Variants in RPS6KC1 observed in about 807,000 individuals in gnomAD.
RPS6KC1 encodes inactive ribosomal protein S6 kinase delta-1.
Under a neutral mutation model 103.8 loss-of-function variants are expected in RPS6KC1, and 54 were observed. That is an observed-to-expected ratio of 0.52 (90% CI 0.42 to 0.65). The LOEUF (loss-of-function observed/expected upper bound fraction) is 0.65, where lower values mean the gene tolerates loss of function less well. Ranked by LOEUF, RPS6KC1 falls within the 30% of genes least tolerant of loss-of-function variation. The pLI is 0.00. For synonymous variants in RPS6KC1, 439 were observed against 438.7 expected (o/e 1.00, Z -0.01); for missense variants, 1,151 against 1,253.8 (o/e 0.92, Z 1.24).
the RPS6KC1 span, among the ~76,000 whole-genome samples, chr1:213,809,348 G>A: frequency 2.0e-4 from 31 of 152,168 alleles, no homozygotes; most frequent in East Asian, 5.6e-3. Flanking sequence ...TAACATCGAA[G>A]ATCACTGATT....
chr1:213,204,223 A>C (rs960888386), intron 8 of RPS6KC1, among the ~76,000 whole-genome samples: 3 of 152,172 alleles, frequency 2.0e-5, no homozygotes, highest in Admixed American at 6.5e-5. Context: ...CATTCAGTAA[A>C]TATGTGTTGA....
At chr1:213,186,726 T>C (rs994339408) in intron 8 of RPS6KC1, among the ~76,000 whole-genome samples, 20 of 152,216 alleles carry the variant, frequency 1.3e-4, no homozygotes, top group African/African-American at 4.6e-4. Context: ...TTTGAGATAA[T>C]TTTTAATATC....
At chr1:213,823,973 G>C in the RPS6KC1 span, among the ~76,000 whole-genome samples, 1 of 152,254 alleles carries the variant, frequency 6.6e-6, no homozygotes, top group African/African-American at 2.4e-5. Context: ...GCCAGTAAGA[G>C]AACAGGGCAA....
intron 1 of RPS6KC1, among the ~76,000 whole-genome samples, chr1:213,068,755 T>C (rs1032352679): frequency 2.0e-5 from 3 of 151,858 alleles, no homozygotes; most frequent in South Asian, 2.1e-4. Flanking sequence ...TTCTCACTTA[T>C]AATCCTAGCA....
chr1:213,063,321 A>G (rs144917706), intron 1 of RPS6KC1, among the ~76,000 whole-genome samples: 85 of 152,320 alleles, frequency 5.6e-4, no homozygotes, highest in Non-Finnish European at 9.7e-4. Context: ...AAGAGAGCCA[A>G]TTGGCTTATG....
At chr1:213,172,397 C>T (rs1334382849) in intron 7 of RPS6KC1, among the ~76,000 whole-genome samples, 1 of 152,100 alleles carries the variant, frequency 6.6e-6, no homozygotes, top group Non-Finnish European at 1.5e-5. Flanking sequence ...CGTTCGAGAC[C>T]AGCCTGGCCA....
chr1:213,073,218 T>G (rs1196448370), intron 2 of RPS6KC1, among the ~76,000 whole-genome samples: 3 of 152,240 alleles, frequency 2.0e-5, no homozygotes. Flanking sequence ...CTCCATTAAC[T>G]TATTCATTTG....
chr1:213,160,636 G>A (rs1051265057), intron 6 of RPS6KC1, among the ~76,000 whole-genome samples: 3 of 151,314 alleles, frequency 2.0e-5, no homozygotes, highest in African/African-American at 7.3e-5. Flanking sequence ...AATAGTGGTG[G>A]CAAGTCATAT....
At chr1:213,548,179 G>A in the RPS6KC1 span, among the ~76,000 whole-genome samples, 1 of 152,204 alleles carries the variant, frequency 6.6e-6, no homozygotes, top group African/African-American at 2.4e-5. Context: ...TTCAACTACA[G>A]CTCCTTTCAA....
At chr1:213,573,789 C>T in the RPS6KC1 span, among the ~76,000 whole-genome samples, 6 of 152,262 alleles carry the variant, frequency 3.9e-5, no homozygotes, top group South Asian at 2.1e-4. Context: ...GAAATGAAAG[C>T]GTCTAAACAA....
At chr1:213,361,750 G>A in the RPS6KC1 span, among the ~76,000 whole-genome samples, 5 of 152,210 alleles carry the variant, frequency 3.3e-5, no homozygotes, top group African/African-American at 4.8e-5. Context: ...TTACAAAGAC[G>A]CACTCCAGGA....
chr1:213,181,962 A>G (rs1291818629), intron 8 of RPS6KC1, among the ~76,000 whole-genome samples: 2 of 152,182 alleles, frequency 1.3e-5, no homozygotes, highest in Non-Finnish European at 2.9e-5. Context: ...AGTTTTGGAA[A>G]TTATCTTTTA....
chr1:213,585,829 G>A, the RPS6KC1 span, among the ~76,000 whole-genome samples: 1 of 152,082 alleles, frequency 6.6e-6, no homozygotes, highest in African/African-American at 2.4e-5. Context: ...GTATGGCAAA[G>A]GGTCCCATGC....
intron 6 of RPS6KC1, among the ~76,000 whole-genome samples, chr1:213,156,390 G>A (rs1336921602): frequency 4.6e-5 from 7 of 152,118 alleles, no homozygotes; most frequent in African/African-American, 1.7e-4. Flanking sequence ...TATGGAACTG[G>A]GACGTGTGAA....
the RPS6KC1 span, among the ~76,000 whole-genome samples, chr1:213,711,952 C>G: frequency 6.6e-6 from 1 of 152,170 alleles, no homozygotes; most frequent in African/African-American, 2.4e-5. Context: ...GTCTGTTGAC[C>G]CCTGATGGGA....
the RPS6KC1 span, among the ~76,000 whole-genome samples, chr1:213,390,083 T>C: frequency 1.3e-5 from 2 of 152,322 alleles, no homozygotes; most frequent in African/African-American, 4.8e-5. Flanking sequence ...ATCTTATTTG[T>C]TGATGTTTGC....
the RPS6KC1 span, among the ~76,000 whole-genome samples, chr1:213,588,732 A>T: frequency 1.3e-5 from 2 of 152,164 alleles, no homozygotes; most frequent in Admixed American, 6.5e-5. Flanking sequence ...CCTGGGCTCT[A>T]GTCACTAACG....
At chr1:213,421,165 AGT>A in the RPS6KC1 span, among the ~76,000 whole-genome samples, 6 of 152,062 alleles carry the variant, frequency 3.9e-5, no homozygotes, top group Non-Finnish European at 7.4e-5. Context: ...GTCTTGTTGG[AGT>A]GGTGTGATCT....
intron 8 of RPS6KC1, among the ~76,000 whole-genome samples, chr1:213,228,749 T>C (rs1287978053): frequency 6.6e-6 from 1 of 151,704 alleles, no homozygotes; most frequent in Non-Finnish European, 1.5e-5. Flanking sequence ...TAAAACAAAA[T>C]AAAATAAAAT....
Sources: gnomAD v4.1 joint callset for allele counts (sites outside exome capture counted in the v4.1 genomes callset) on GRCh38, gnomAD v4.1.1 for gene constraint, MANE v1.5 for transcripts, NCBI Gene and HGNC (gene_info 2026-07-23, HGNC 2026-07-21) for gene names.